Variants in CCDC187 observed in about 807,000 individuals in gnomAD.
The protein encoded by CCDC187 is coiled-coil domain containing 187, also known as coiled-coil domain-containing protein 187.
A neutral mutation model predicts 38.0 loss-of-function variants in CCDC187; 32 were observed. That is an observed-to-expected ratio of 0.84 (90% CI 0.64 to 1.13). CCDC187 has a LOEUF of 1.13. Ranked by LOEUF, CCDC187 falls within the 50% of genes most tolerant of loss-of-function variation. The pLI is 0.00. For synonymous variants in CCDC187, 333 were observed against 347.9 expected, an observed-to-expected ratio of 0.96 and a Z score of 0.48; for missense variants, 707 against 786.8, an observed-to-expected ratio of 0.90 and a Z score of 1.21.
chr9:136,296,531 C>T (rs1333365397), intron 4 of CCDC187: 1 of 152,356 alleles, frequency 6.6e-6, no homozygotes, highest in African/African-American at 2.4e-5. Context: ...GTTGCCTCAT[C>T]TACAAAATGG....
rs922298835 is a variant in CCDC187, at chr9:136,279,224, G to T, written c.3040+2327C>A. Among the ~76,000 whole-genome samples, 166 of 152,014 alleles carry T rather than the reference G, an allele frequency of 1.1e-3. 1 individual carries two copies. Among genetic ancestry groups the T allele is most frequent in the African/African-American group, 3.6e-3 (151 of 41,438 alleles). ...TGGTCTGGGTGTTTAAGTCTAGAAG[G>T]TTCCATTGGACAGCTCTGGTCTGGG... is the stretch of plus-strand genomic sequence containing the variant. On this transcript the variant is annotated intron_variant, in intron 10 of 25. Coordinates refer to ENST00000638797, the MANE Select transcript of CCDC187 (RefSeq NM_001378188.1).
intron 25 of CCDC187, 36 bp downstream of exon 25, chr9:136,255,621 G>T (rs1342033957): frequency 1.1e-6 from 1 of 947,396 alleles, no homozygotes. Context: ...GTGGGGACTC[G>T]ATGGCTGAAG....
chr9:136,302,990 G>A lies in CCDC187; in HGVS notation c.447C>T (p.Asp149=), dbSNP rs994630971. The A allele has an allele frequency of 7.8e-5, 31 of 398,644 alleles. No individual in the cohort carries two copies. The highest frequency in any genetic ancestry group is 2.1e-5 in the African/African-American group (1 of 48,630). The allele number at this position is 398,644 out of a possible 1,614,324, so 24.7% of individuals were successfully genotyped here. A position where few individuals can be genotyped will look rare whatever the true frequency, so the allele number is the denominator to read the frequency against. Residue 149 remains aspartate (D), a synonymous_variant, in exon 2 of 26, where the codon GAC becomes GAT. Transcript: ENST00000638797. The part of the protein sequence containing the change: ...LGPQQRPRKS[D]ARLEQLRDKI... ...TGTCTCTCAGCTGCTCCAGCCGCGC[G>A]TCACTCTTTCTGGGCCTCTGCTGGG...
At chr9:136,297,306 TG>T (rs1777056801) in intron 4 of CCDC187, among the ~76,000 whole-genome samples, 3 of 150,504 alleles carry the variant, frequency 2.0e-5, no homozygotes, top group Admixed American at 2.0e-4. Flanking sequence ...GAGCTGCGGG[TG>T]GTGTGAGCTG....
At chr9:136,274,860 C>CCAT (rs1554762936) in intron 13 of CCDC187, 23 bp downstream of exon 13, 4 of 152,354 alleles carry the variant, frequency 2.6e-5, no homozygotes, top group Admixed American at 6.5e-5. Context: ...GAGGGGGTGG[C>CCAT]CAGCCCCAGC....
intron 6 of CCDC187, 38 bp from the exon 7 acceptor site, chr9:136,290,091 G>A (rs889785418): frequency 7.0e-5 from 28 of 398,584 alleles, no homozygotes; most frequent in Non-Finnish European, 9.7e-5. Context: ...CCCCCCGCTC[G>A]GGAAGACCAC....
chr9:136,297,122 C>T (rs1474515920), intron 4 of CCDC187, among the ~76,000 whole-genome samples: 2 of 152,074 alleles, frequency 1.3e-5, no homozygotes, highest in Non-Finnish European at 2.9e-5. Context: ...TCTGTTACTG[C>T]TCTGAAGAGC....
chr9:136,299,567 G>A (rs1196914864), intron 3 of CCDC187, among the ~76,000 whole-genome samples: 2 of 152,226 alleles, frequency 1.3e-5, no homozygotes, highest in Non-Finnish European at 2.9e-5. Flanking sequence ...GAGTGAGCCT[G>A]CCCAAGCCCA....
chr9:136,263,525 C>T (rs1366375884), intron 18 of CCDC187, 97 bp downstream of exon 18: 76 of 906,748 alleles, frequency 8.4e-5, no homozygotes, highest in South Asian at 1.0e-4. Context: ...TGAGACACCG[C>T]GCCCGGCCCA....
In CCDC187 at chr9:136,253,981, G is replaced by C. The variant is rs1830581250; in HGVS notation, c.5847C>G (p.Gly1949=). 5 of 985,382 alleles carry C rather than the reference G, an allele frequency of 5.1e-6. No homozygotes were observed. Among genetic ancestry groups the C allele is most frequent in the Non-Finnish European group, 6.0e-6 (5 of 830,004 alleles). 61.0% of individuals were successfully genotyped at this position (985,382 alleles called of 1,614,324 possible). Residue 1949 remains glycine (G), a synonymous_variant, in exon 26 of 26, where the codon GGC becomes GGG. Transcript: ENST00000638797. ...VTLQAPPGDP[G]RLAPPVAESR... ...TCTCAGCTACTGGAGGTGCCAGCCT[G>C]CCTGGGTCCCCAGGAGGAGCCTGCA...
intron 7 of CCDC187, among the ~76,000 whole-genome samples, 168 bp from the exon 8 acceptor site, chr9:136,286,863 C>T (rs1401601872): frequency 5.3e-5 from 8 of 152,248 alleles, no homozygotes; most frequent in Admixed American, 5.2e-4. Context: ...CAACAGACCA[C>T]ACAGCTGCCG....
At chr9:136,300,816 G>C (rs1018975650) in intron 2 of CCDC187, among the ~76,000 whole-genome samples, 73 of 152,302 alleles carry the variant, frequency 4.8e-4, no homozygotes, top group African/African-American at 1.6e-3. Context: ...GGCCAGGCTA[G>C]TCTCGAACTC....
chr9:136,293,403 A>ATGCTC (rs1831415338), intron 4 of CCDC187, among the ~76,000 whole-genome samples: 2 of 78,146 alleles, frequency 2.6e-5, no homozygotes, highest in African/African-American at 5.0e-5. Flanking sequence ...ACACACTCAC[A>ATGCTC]AACACTCACA....
intron 4 of CCDC187, among the ~76,000 whole-genome samples, chr9:136,297,512 C>G (rs1232270576): frequency 6.6e-6 from 1 of 152,116 alleles, no homozygotes; most frequent in African/African-American, 2.4e-5. Context: ...CAGTGGTGGC[C>G]AAGGTCACCA....
At chr9:136,282,528 G>C (rs913586913) in intron 9 of CCDC187, among the ~76,000 whole-genome samples, 6 of 152,186 alleles carry the variant, frequency 3.9e-5, no homozygotes, top group Non-Finnish European at 8.8e-5. Context: ...CTGTGAGCAC[G>C]GCTCACCTCA....
intron 14 of CCDC187, among the ~76,000 whole-genome samples, chr9:136,272,082 G>A (rs200671312): frequency 9.9e-5 from 15 of 152,120 alleles, no homozygotes; most frequent in Admixed American, 3.9e-4. Flanking sequence ...GAAAGAGTAC[G>A]TCAAAAACAG....
rs1449133989 is a variant in CCDC187 at position 136,260,113 on chromosome 9, C to T, written c.4210+6G>A. The T allele has an allele frequency of 5.1e-5, 50 of 985,316 alleles. No homozygotes were observed. The highest frequency in any genetic ancestry group is 5.9e-5 in the Non-Finnish European group (49 of 829,972). 61.0% of individuals were successfully genotyped at this position (985,316 alleles called of 1,614,324 possible). On this transcript the variant is annotated splice_donor_region_variant and intron_variant, in intron 20 of 25. Transcript: ENST00000638797. ...ACCCTGGGCGGTCGCCGCGGCTGCT[C>T]ATTACCTTGACTGACATGGCTGCCA...
intron 9 of CCDC187, among the ~76,000 whole-genome samples, chr9:136,282,055 C>T (rs1355275839): frequency 6.6e-6 from 1 of 152,194 alleles, no homozygotes; most frequent in Non-Finnish European, 1.5e-5. Context: ...TCCGTGGCCA[C>T]CGTTGGTCCC....
chr9:136,260,900 G>A (rs1017381359), intron 19 of CCDC187, among the ~76,000 whole-genome samples: 5 of 152,192 alleles, frequency 3.3e-5, no homozygotes, highest in East Asian at 3.9e-4. Context: ...GCATCTTGAC[G>A]CCAGTGTGTG....
Sources: gnomAD v4.1 joint callset for allele counts (sites outside exome capture counted in the v4.1 genomes callset) on GRCh38, gnomAD v4.1.1 for gene constraint, MANE v1.5 for transcripts, NCBI Gene and HGNC (gene_info 2026-07-23, HGNC 2026-07-21) for gene names.